ERCC8: variants seen among roughly 807,000 people sequenced by gnomAD.
The protein encoded by ERCC8 is DNA excision repair protein ERCC-8.
Under a neutral mutation model 54.9 loss-of-function variants are expected in ERCC8, and 52 were observed. That is an observed-to-expected ratio of 0.95 (90% CI 0.76 to 1.19). ERCC8 has a LOEUF of 1.19. Ranked by LOEUF, ERCC8 falls within the 50% of genes most tolerant of loss-of-function variation. ERCC8 has a pLI of 0.00. For missense variants in ERCC8, 514 were observed against 466.1 expected (o/e 1.10, Z -0.95); for synonymous variants, 146 against 157.2 (o/e 0.93, Z 0.53).
At position 60,869,721 on chromosome 5, in the gene ERCC8, T is replaced by C. The variant is rs1350249129; in HGVS notation, c.*4894A>G. Among the ~76,000 whole-genome samples the C allele has an allele frequency of 6.6e-6, 1 of 152,214 alleles. No individual in the cohort carries two copies. Among genetic ancestry groups the C allele is most frequent in the Non-Finnish European group, 1.5e-5 (1 of 68,030 alleles). On this transcript the variant is annotated 3_prime_UTR_variant, in exon 12 of 12. Transcript: ENST00000676185. Reference sequence around the variant, plus strand: ...AGGCTTCTGGTTAAAAATAGATTTATGGCTATGTTAATAAAATGTGCATTT... The same window carrying C: ...AGGCTTCTGGTTAAAAATAGATTTACGGCTATGTTAATAAAATGTGCATTT...
chr5:60,897,089 C>T (rs1418890377), intron 9 of ERCC8, among the ~76,000 whole-genome samples: 2 of 152,150 alleles, frequency 1.3e-5, no homozygotes, highest in Admixed American at 6.5e-5. Flanking sequence ...CTTGCGTATC[C>T]CAAGGAAGTT....
intron 4 of ERCC8, among the ~76,000 whole-genome samples, chr5:60,911,765 G>A (rs1192353621): frequency 2.2e-4 from 8 of 35,736 alleles, no homozygotes; most frequent in Non-Finnish European, 5.9e-4. Flanking sequence ...ATTAATTTTT[G>A]TATAAGGTGT....
At position 60,871,872 on chromosome 5, in the gene ERCC8, C is replaced by G. The variant is rs1747870961; in HGVS notation, c.*2743G>C. Among the ~76,000 whole-genome samples the G allele has an allele frequency of 6.6e-6, 1 of 152,122 alleles. No individual in the cohort carries two copies. The highest frequency in any genetic ancestry group is 2.4e-5 in the African/African-American group (1 of 41,418). ...CTGGAGTGTAGTGACACGATCTTGG[C>G]TCAATGCAGCCGTGACTTTACAGGT... On this transcript the variant is annotated 3_prime_UTR_variant, in exon 12 of 12. Transcript: ENST00000676185.
At chr5:60,890,332 T>G (rs1016707075) in intron 10 of ERCC8, among the ~76,000 whole-genome samples, 2 of 152,174 alleles carry the variant, frequency 1.3e-5, no homozygotes, top group African/African-American at 2.4e-5. Context: ...AAGAAGTGCA[T>G]GAGGTAATTT....
At chr5:60,886,376 T>C (rs1380028089) in intron 11 of ERCC8, among the ~76,000 whole-genome samples, 1 of 152,128 alleles carries the variant, frequency 6.6e-6, no homozygotes, top group Admixed American at 6.6e-5. Flanking sequence ...GGTAGGAGTG[T>C]AAACTGGTAA....
intron 11 of ERCC8, among the ~76,000 whole-genome samples, chr5:60,883,167 AAAAT>A (rs1397845700): frequency 6.6e-6 from 1 of 152,240 alleles, no homozygotes; most frequent in Non-Finnish European, 1.5e-5. Flanking sequence ...CAAAGAAACA[AAAAT>A]AAATGAAAAT....
rs57423118 is a variant in ERCC8, at chr5:60,870,482, T to TAAAAAAA, written c.*4126_*4132dup. Among the ~76,000 whole-genome samples, 111 of 48,780 alleles carry TAAAAAAA rather than the reference T, an allele frequency of 2.3e-3. 3 individuals carry two copies. Among genetic ancestry groups the TAAAAAAA allele is most frequent in the African/African-American group, 2.8e-3 (28 of 10,056 alleles). The allele number at this position is 48,780 out of a possible 152,430, so 32.0% of individuals were successfully genotyped here. A position where few individuals can be genotyped will look rare whatever the true frequency, so the allele number is the denominator to read the frequency against. On this transcript the variant is annotated 3_prime_UTR_variant, in exon 12 of 12. Transcript: ENST00000676185. ...CAACATGGTGAAACCCCACCTCTGCTAAAAAAAAAAAAAAAAAAAAAAAAA... is the reference window on the plus strand; with the variant it reads ...CAACATGGTGAAACCCCACCTCTGCTAAAAAAAAAAAAAAAAAAAAAAAAAAAAAAAA...
chr5:60,904,896 AAAGTATAAGGTTT>A (rs763257985), intron 4 of ERCC8, 23 bp from the exon 5 acceptor site: 35 of 1,167,276 alleles, frequency 3.0e-5, no homozygotes, highest in Non-Finnish European at 4.3e-5. Flanking sequence ...AGACATTTAA[AAAGTATAAGGTTT>A]AAGTATAAAA....
chr5:60,912,387 C>T (rs571396727), intron 4 of ERCC8, among the ~76,000 whole-genome samples: 1 of 152,152 alleles, frequency 6.6e-6, no homozygotes, highest in Non-Finnish European at 1.5e-5. Flanking sequence ...ATTTGGGTCT[C>T]TGTTTGTCTG....
At chr5:60,943,489 C>T (rs1451324813) in intron 1 of ERCC8, among the ~76,000 whole-genome samples, 1 of 152,124 alleles carries the variant, frequency 6.6e-6, no homozygotes, top group Non-Finnish European at 1.5e-5. Flanking sequence ...CTTTCAAAGT[C>T]TATGGGTGAT....
chr5:60,938,773 TTTG>T (rs879427144), intron 1 of ERCC8, among the ~76,000 whole-genome samples: 2 of 152,192 alleles, frequency 1.3e-5, no homozygotes, highest in Admixed American at 6.5e-5. Flanking sequence ...CTAAATCTAG[TTTG>T]TTGTTTCTTC....
At chr5:60,884,282 A>T (rs965177789) in intron 11 of ERCC8, among the ~76,000 whole-genome samples, 6 of 151,874 alleles carry the variant, frequency 4.0e-5, no homozygotes, top group Non-Finnish European at 8.8e-5. Context: ...GATCGAGACC[A>T]TCCTGTGAAT....
chr5:60,893,392 C>T lies in ERCC8; in HGVS notation c.844-2306G>A. The stretch of plus-strand genomic sequence containing the variant: ...TTTCTTGCTCCTGGGCAGCTTGCTG[C>T]TTCTCCCTCATCTCCTCAACCCTCT... On this transcript the variant is annotated intron_variant, in intron 9 of 11. Transcript: ENST00000676185. 13 of 866,352 alleles carry T rather than the reference C, an allele frequency of 1.5e-5. No homozygotes were observed. The Admixed American group carries it at 2.1e-4, about 14-fold the overall frequency. The allele number at this position is 866,352 out of a possible 1,614,324, so 53.7% of individuals were successfully genotyped here. A position where few individuals can be genotyped will look rare whatever the true frequency, so the allele number is the denominator to read the frequency against.
rs1318548083 is a variant in ERCC8, at chr5:60,904,830, T to G, written c.443A>C (p.His148Pro). The change falls in exon 5 of 12, where the codon CAT becomes CCT. Residue 148 changes from histidine (H) to proline (P), a missense_variant. Coordinates refer to ENST00000676185, the MANE Select transcript of ERCC8 (RefSeq NM_000082.4). Reference protein sequence around the residue: ...FNFEETVYSHHMSPVSTKHCL... With the variant: ...FNFEETVYSHPMSPVSTKHCL... ...GTGCTTGGTGGAGACTGGAGACATA[T>G]GATGACTATAAACTGTTTCCTCAAA... The G allele has an allele frequency of 3.1e-6, 5 of 1,600,366 alleles. No homozygotes were observed. The highest frequency in any genetic ancestry group is 4.3e-6 in the Non-Finnish European group (5 of 1,168,430).
At chr5:60,902,570 C>A in intron 6 of ERCC8, 62 bp from the exon 7 acceptor site, 1 of 1,418,034 alleles carries the variant, frequency 7.1e-7, no homozygotes, top group Non-Finnish European at 1.0e-6. Context: ...GATAAAGTGC[C>A]AATAATTTTG....
intron 4 of ERCC8, among the ~76,000 whole-genome samples, chr5:60,916,645 T>A (rs949775686): frequency 3.3e-5 from 5 of 152,022 alleles, no homozygotes; most frequent in Non-Finnish European, 7.4e-5. Context: ...TAAAAATAAA[T>A]CTGAAATAAT....
At chr5:60,877,560 GT>G (rs1748052895) in intron 11 of ERCC8, among the ~76,000 whole-genome samples, 1 of 152,140 alleles carries the variant, frequency 6.6e-6, no homozygotes, top group South Asian at 2.1e-4. Context: ...TTGAGCAGTG[GT>G]TTGTAGATCT....
chr5:60,910,550 C>G (rs1749226668), intron 4 of ERCC8, among the ~76,000 whole-genome samples: 1 of 152,068 alleles, frequency 6.6e-6, no homozygotes. Context: ...CTTAATTTCT[C>G]TCAATAATGT....
intron 11 of ERCC8, among the ~76,000 whole-genome samples, chr5:60,876,165 T>G (rs1017846500): frequency 6.6e-6 from 1 of 152,158 alleles, no homozygotes; most frequent in Admixed American, 6.6e-5. Flanking sequence ...TTGTTGAGAA[T>G]GATGGTTTCC....
Sources: allele counts gnomAD v4.1 joint callset (sites outside exome capture counted in the v4.1 genomes callset), GRCh38; gene constraint gnomAD v4.1.1; transcripts MANE v1.5; gene names NCBI Gene and HGNC (gene_info 2026-07-23, HGNC 2026-07-21).